Variants in SMG7 observed in about 807,000 individuals in gnomAD.
The protein encoded by SMG7 is nonsense-mediated mRNA decay factor SMG7.
A neutral mutation model predicts 148.2 loss-of-function variants in SMG7; 34 were observed. The observed-to-expected ratio is 0.23, with a 90% CI of 0.17 to 0.31. The LOEUF (loss-of-function observed/expected upper bound fraction) is 0.31, where lower values mean the gene tolerates loss of function less well. Among genes scored for constraint, SMG7 ranks in the 10% least tolerant of loss-of-function variants. The pLI is 1.00. For missense variants in SMG7, 1,114 were observed against 1,408.4 expected (o/e 0.79, Z 3.35); for synonymous variants, 492 against 515.1 (o/e 0.96, Z 0.61).
At chr1:183,491,505 TTACA>T (rs1323195537) in intron 1 of SMG7, among the ~76,000 whole-genome samples, 3 of 152,204 alleles carry the variant, frequency 2.0e-5, no homozygotes, top group South Asian at 4.1e-4. Flanking sequence ...GTATAGAATG[TTACA>T]TACATGCACA....
At chr1:183,549,974 T>C (rs775957544) in intron 20 of SMG7, 51 bp downstream of exon 20, 6 of 1,280,246 alleles carry the variant, frequency 4.7e-6, no homozygotes, top group South Asian at 3.8e-5. Context: ...TACACTCAGA[T>C]TGATTAAGGG....
rs117679947 is a variant in SMG7, at chr1:183,484,213, G to A, written c.29+11564G>A. 8.7e-4 allele frequency among the ~76,000 whole-genome samples: 132 copies of A among 152,066 alleles called. 2 individuals carry two copies. The East Asian group carries it at 0.018, about 21-fold the overall frequency. ...TGTAGGTGCTCCTTTATATAAAATG[G>A]CATAGTACTTGCACATAACCTGCAT... On this transcript the variant is annotated intron_variant, in intron 1 of 22. Coordinates refer to ENST00000688051, the MANE Select transcript of SMG7 (RefSeq NM_001375584.1).
At chr1:183,500,149 T>G (rs1036910456) in intron 1 of SMG7, among the ~76,000 whole-genome samples, 1 of 152,178 alleles carries the variant, frequency 6.6e-6, no homozygotes, top group African/African-American at 2.4e-5. Flanking sequence ...CTTGTTTCAT[T>G]CATTTGGGTT....
chr1:183,550,700 A>C, intron 20 of SMG7, 51 bp from the exon 21 acceptor site: 2 of 1,564,866 alleles, frequency 1.3e-6, no homozygotes, highest in Middle Eastern at 1.9e-4. Flanking sequence ...AGTTCTTTGT[A>C]TGTTTGTGAA....
intron 11 of SMG7, among the ~76,000 whole-genome samples, chr1:183,538,145 T>C (rs959077670): frequency 6.6e-6 from 1 of 152,202 alleles, no homozygotes; most frequent in East Asian, 1.9e-4. Context: ...AAAAAGCCAT[T>C]CTCCTCAGCA....
At chr1:183,484,914 A>T (rs1289235030) in intron 1 of SMG7, among the ~76,000 whole-genome samples, 2 of 152,108 alleles carry the variant, frequency 1.3e-5, no homozygotes, top group Non-Finnish European at 2.9e-5. Context: ...GCATACACTG[A>T]CATACCTTTT....
At chr1:183,473,287 G>A (rs1326302578) in intron 1 of SMG7, among the ~76,000 whole-genome samples, 1 of 152,126 alleles carries the variant, frequency 6.6e-6, no homozygotes, top group Non-Finnish European at 1.5e-5. Flanking sequence ...TGTGGACAAG[G>A]TTGGGTTTTT....
chr1:183,517,136 T>A (rs1024433872), intron 3 of SMG7, among the ~76,000 whole-genome samples: 5 of 152,238 alleles, frequency 3.3e-5, no homozygotes, highest in African/African-American at 1.2e-4. Context: ...ATATTGTTTC[T>A]TATTGTAAAT....
intron 17 of SMG7, 61 bp downstream of exon 17, chr1:183,546,398 G>A: frequency 6.6e-7 from 1 of 1,520,750 alleles, no homozygotes. Context: ...ACTGTCTTTT[G>A]AATATCTCAA....
At chr1:183,513,998 C>A (rs1289699480) in intron 2 of SMG7, among the ~76,000 whole-genome samples, 2 of 147,130 alleles carry the variant, frequency 1.4e-5, no homozygotes, top group African/African-American at 5.1e-5. Flanking sequence ...CCCCTGCACT[C>A]CAGCCTGGGC....
intron 8 of SMG7, 105 bp downstream of exon 8, chr1:183,529,638 A>C (rs1012946946): frequency 1.2e-6 from 1 of 824,458 alleles, no homozygotes. Flanking sequence ...TGTGTGAACT[A>C]TTGGTAAAAA....
intron 1 of SMG7, among the ~76,000 whole-genome samples, chr1:183,488,258 G>T (rs1310338358): frequency 6.6e-6 from 1 of 152,196 alleles, no homozygotes; most frequent in Non-Finnish European, 1.5e-5. Flanking sequence ...ACTCCAGAAG[G>T]TTATCAGTTA....
At chr1:183,542,004 A>T in intron 13 of SMG7, 72 bp from the exon 14 acceptor site, 1 of 1,246,608 alleles carries the variant, frequency 8.0e-7, no homozygotes, top group Non-Finnish European at 1.1e-6. Flanking sequence ...ATTGACTTGG[A>T]TCCACACACA....
chr1:183,472,690 C>T (rs1024382174), intron 1 of SMG7, 41 bp downstream of exon 1: 1 of 1,445,146 alleles, frequency 6.9e-7, no homozygotes, highest in East Asian at 2.7e-5. Context: ...GGGAGCGGGC[C>T]GCAGGTTGGG....
At chr1:183,525,570 G>A (rs1375885666) in intron 4 of SMG7, among the ~76,000 whole-genome samples, 1 of 152,118 alleles carries the variant, frequency 6.6e-6, no homozygotes, top group Non-Finnish European at 1.5e-5. Flanking sequence ...TTTGTTTTTT[G>A]TTCTTGTTTT....
chr1:183,477,222 G>A (rs1482959250), intron 1 of SMG7, among the ~76,000 whole-genome samples: 2 of 152,088 alleles, frequency 1.3e-5, no homozygotes, highest in African/African-American at 4.8e-5. Context: ...CTGCCATTGT[G>A]GGAGCCACTG....
At position 183,553,132 on chromosome 1, in the gene SMG7, A is replaced by T; in HGVS notation, c.*1201A>T. 6.5e-7 allele frequency: 1 copy of T among 1,536,406 alleles called. No homozygotes were observed. The highest frequency in any genetic ancestry group is 1.2e-5 in the South Asian group (1 of 84,068). On this transcript the variant is annotated 3_prime_UTR_variant, in exon 23 of 23. Coordinates refer to ENST00000688051, the MANE Select transcript of SMG7 (RefSeq NM_001375584.1). ...GAGTGAAATTCAAGGCAGCACGGAC[A>T]TGTGCCCATCAGGCACAGAAGAAAA...
In SMG7 at chr1:183,544,365, A is replaced by G. The variant is rs781648375; in HGVS notation, c.1855A>G (p.Thr619Ala). Residue 619 changes from threonine to alanine, a missense_variant, in exon 15 of 23, where the codon ACA becomes GCA. Physicochemically the swap from Thr to Ala is moderately conservative, Grantham distance 58. Coordinates refer to ENST00000688051, the MANE Select transcript of SMG7 (RefSeq NM_001375584.1). ...CTATTGGTTACAGGTAAAATCCCAG[A>G]CAGAACTAAGAAAGACTCCAGTGTC... ...QNVAVQVKSQTELRKTPVSEA... is the reference protein window; with the variant it reads ...QNVAVQVKSQAELRKTPVSEA... 2.5e-6 allele frequency: 4 copies of G among 1,613,734 alleles called. No homozygotes were observed. The African/African-American group carries it at 5.3e-5, about 22-fold the overall frequency.
Position 183,545,005 on chromosome 1 carries a change from G to C in SMG7, c.2063G>C (p.Gly688Ala). ...SMGSGYTFPA[G>A]VSVPGTFLQP... ...GGCTCAGGTTACACCTTCCCAGCTGGTGTTTCTGTCCCAGGAACCTTTCTT... is the reference window on the plus strand; with the variant it reads ...GGCTCAGGTTACACCTTCCCAGCTGCTGTTTCTGTCCCAGGAACCTTTCTT... Residue 688 changes from glycine (G) to alanine (A), a missense_variant, in exon 16 of 23, where the codon GGT becomes GCT. By Grantham distance (60) the Gly-to-Ala change is moderately conservative. This residue lies in a region of SMG7 where 788 missense variants were observed against 894.5 expected (regional missense o/e 0.88). Coordinates refer to ENST00000688051, the MANE Select transcript of SMG7 (RefSeq NM_001375584.1). The C allele has an allele frequency of 6.2e-7, 1 of 1,613,728 alleles. No individual in the cohort carries two copies. Among genetic ancestry groups the C allele is most frequent in the Non-Finnish European group, 8.5e-7 (1 of 1,179,920 alleles).
Sources: allele counts gnomAD v4.1 joint callset (sites outside exome capture counted in the v4.1 genomes callset), GRCh38; gene constraint gnomAD v4.1.1; regional missense constraint gnomAD v4.1.1; transcripts MANE v1.5; gene names NCBI Gene and HGNC (gene_info 2026-07-23, HGNC 2026-07-21).